Variants in ZNF600 observed in about 807,000 individuals in gnomAD.
The protein encoded by ZNF600 is zinc finger protein 600.
ZNF600 carries 4 observed loss-of-function variants against 7.3 expected under a neutral mutation model. The ratio of observed to expected loss-of-function variants is 0.55; its 90% CI spans 0.27 to 1.25. The LOEUF (loss-of-function observed/expected upper bound fraction) is 1.25, where lower values mean the gene tolerates loss of function less well. ZNF600 is among the 50% of genes most tolerant of loss of function. The pLI is 0.12. For missense variants in ZNF600, 911 were observed against 922.1 expected, an observed-to-expected ratio of 0.99 and a Z score of 0.16; for synonymous variants, 290 against 308.9, an observed-to-expected ratio of 0.94 and a Z score of 0.64.
At chr19:52,801,751 A>G in the ZNF600 span, 2 of 1,509,914 alleles carry the variant, frequency 1.3e-6, no homozygotes, top group Non-Finnish European at 1.8e-6. Flanking sequence ...CAGATGGTGT[A>G]TAATACTGAA....
chr19:52,806,949 C>T, the ZNF600 span, among the ~76,000 whole-genome samples: 3 of 152,058 alleles, frequency 2.0e-5, no homozygotes, highest in Non-Finnish European at 2.9e-5. Flanking sequence ...GAGAGATAAG[C>T]GGGGGCAAAG....
chr19:52,816,608 G>A, the ZNF600 span, among the ~76,000 whole-genome samples: 54 of 142,452 alleles, frequency 3.8e-4, 2 homozygotes, highest in African/African-American at 1.4e-3. Flanking sequence ...AGCTTGCAGT[G>A]AGCCAAGATC....
intron 1 of ZNF600, among the ~76,000 whole-genome samples, chr19:52,780,139 T>C (rs62117459): frequency 0.1 from 15,786 of 152,062 alleles, 1,083 homozygotes; most frequent in South Asian, 0.19. Context: ...CCAGACCAAA[T>C]CAATGTACTT....
intron 1 of ZNF600, among the ~76,000 whole-genome samples, chr19:52,783,590 T>C (rs927851497): frequency 5.9e-5 from 9 of 152,188 alleles, no homozygotes; most frequent in Non-Finnish European, 1.5e-5. Flanking sequence ...CTCAATCTCC[T>C]GACCTAGTGA....
At chr19:52,800,351 C>T in the ZNF600 span, 3 of 1,613,670 alleles carry the variant, frequency 1.9e-6, no homozygotes, top group African/African-American at 4.0e-5. Flanking sequence ...TGTCACAAAC[C>T]TTACATTTGT....
the ZNF600 span, chr19:52,807,781 A>G: frequency 2.7e-5 from 21 of 784,144 alleles, no homozygotes; most frequent in Non-Finnish European, 3.4e-5. Flanking sequence ...AGGCTGCCAT[A>G]AAGTTTTATG....
the ZNF600 span, among the ~76,000 whole-genome samples, chr19:52,793,250 C>T: frequency 6.6e-6 from 1 of 152,180 alleles, no homozygotes; most frequent in South Asian, 2.1e-4. Flanking sequence ...AGCTGTGCCC[C>T]GTCCACCTTG....
the ZNF600 span, chr19:52,800,279 T>C: frequency 6.2e-7 from 1 of 1,603,224 alleles, no homozygotes; most frequent in Non-Finnish European, 8.5e-7. Context: ...TACACATGTA[T>C]GGTTTCTCTC....
At chr19:52,821,687 A>G in the ZNF600 span, 1 of 152,276 alleles carries the variant, frequency 6.6e-6, no homozygotes, top group Non-Finnish European at 1.5e-5. Flanking sequence ...GCCAACGAGG[A>G]GGCGAGCGGG....
At chr19:52,765,211 G>C (rs753976080) in exon 4 of ZNF600, 8 of 520,066 alleles carry the variant, frequency 1.5e-5, no homozygotes, top group African/African-American at 3.9e-5. Context: ...TGTTCTGCAA[G>C]GAGTGACCTC....
the ZNF600 span, chr19:52,821,782 T>C: frequency 1.3e-5 from 2 of 152,104 alleles, no homozygotes; most frequent in Admixed American, 1.3e-4. Context: ...GCGGGACCTG[T>C]GAGTCTCAGC....
the ZNF600 span, among the ~76,000 whole-genome samples, chr19:52,830,871 A>G: frequency 0.59 from 75,627 of 127,534 alleles, 26,105 homozygotes; most frequent in Non-Finnish European, 0.69. Flanking sequence ...GTGCATGCAC[A>G]TCTGTGGGAA....
At chr19:52,808,629 CA>C in the ZNF600 span, among the ~76,000 whole-genome samples, 244 of 122,164 alleles carry the variant, frequency 2.0e-3, no homozygotes, top group African/African-American at 4.6e-3. Flanking sequence ...AACTCCATCT[CA>C]AAAAAAAAAA....
the ZNF600 span, chr19:52,800,674 C>G: frequency 6.2e-7 from 1 of 1,613,336 alleles, no homozygotes; most frequent in Non-Finnish European, 8.5e-7. Flanking sequence ...CGACTGAAAA[C>G]TTTTTCACAT....
At chr19:52,766,267 G>C (rs748537235) in exon 4 of ZNF600, 2 of 1,614,032 alleles carry the variant, frequency 1.2e-6, no homozygotes, top group East Asian at 4.5e-5. Context: ...CACTTGTAAG[G>C]TTTCTCTCCA....
chr19:52,808,637 A>G, the ZNF600 span, among the ~76,000 whole-genome samples: 1 of 151,676 alleles, frequency 6.6e-6, no homozygotes, highest in Non-Finnish European at 1.5e-5. Flanking sequence ...CTCAAAAAAA[A>G]AAAAATTAAA....
At chr19:52,778,786 G>C (rs1397063395) in intron 2 of ZNF600, 40 bp downstream of exon 4, 60 of 1,574,320 alleles carry the variant, frequency 3.8e-5, no homozygotes, top group Admixed American at 1.4e-4. Context: ...ATTTCAGAAA[G>C]GAAAGAGACA....
the ZNF600 span, among the ~76,000 whole-genome samples, chr19:52,819,947 T>C: frequency 1.3e-4 from 19 of 144,476 alleles, 1 homozygote; most frequent in Middle Eastern, 7.1e-3. Context: ...GGTGGACAGC[T>C]GAGGTGGTTC....
At chr19:52,814,475 T>C in the ZNF600 span, 1 of 145,580 alleles carries the variant, frequency 6.9e-6, no homozygotes, top group Non-Finnish European at 1.5e-5. Flanking sequence ...GTGACTATAA[T>C]CCCAGCTACT....
Sources: gnomAD v4.1 joint callset for allele counts (sites outside exome capture counted in the v4.1 genomes callset) on GRCh38, gnomAD v4.1.1 for gene constraint, MANE v1.5 for transcripts, NCBI Gene and HGNC (gene_info 2026-07-23, HGNC 2026-07-21) for gene names.